Variants in MB21D2 observed in about 807,000 individuals in gnomAD.
MB21D2 encodes Mab-21 domain containing 2, also known as nucleotidyltransferase MB21D2.
A neutral mutation model predicts 33.3 loss-of-function variants in MB21D2; 9 were observed. That is an observed-to-expected ratio of 0.27 (90% CI 0.16 to 0.47). The LOEUF (loss-of-function observed/expected upper bound fraction) is 0.47. Ranked by LOEUF, MB21D2 falls within the 20% of genes least tolerant of loss-of-function variation. The probability of loss-of-function intolerance (pLI) is 0.99; values close to 1 mark genes in which losing one functional copy is unlikely to be tolerated. For missense variants in MB21D2, 540 were observed against 624.6 expected (o/e 0.86, Z 1.44); for synonymous variants, 241 against 236.3 (o/e 1.02, Z -0.18).
chr3:192,813,301 T>A (rs1711833000), intron 1 of MB21D2, among the ~76,000 whole-genome samples: 1 of 25,230 alleles, frequency 4.0e-5, no homozygotes, highest in Non-Finnish European at 7.1e-5. Flanking sequence ...CTGCAGTTAA[T>A]TTTTTTTTTT....
At chr3:192,822,268 G>A (rs1478939338) in intron 1 of MB21D2, among the ~76,000 whole-genome samples, 1 of 152,158 alleles carries the variant, frequency 6.6e-6, no homozygotes, top group African/African-American at 2.4e-5. Flanking sequence ...TTGAGTTGAA[G>A]AGAGCTTGTG....
intron 1 of MB21D2, among the ~76,000 whole-genome samples, chr3:192,812,340 C>CT (rs11382217): frequency 0.53 from 80,830 of 151,730 alleles, 21,834 homozygotes; most frequent in South Asian, 0.6. Context: ...CCGGCCTGTA[C>CT]TTTTTTTAGT....
chr3:192,816,175 G>C (rs760622777), intron 1 of MB21D2, among the ~76,000 whole-genome samples: 41 of 151,826 alleles, frequency 2.7e-4, no homozygotes, highest in Middle Eastern at 3.2e-3. Context: ...AGTCCAGTTT[G>C]GGTTTTATAG....
chr3:192,901,396 C>T (rs907675238), intron 1 of MB21D2, among the ~76,000 whole-genome samples: 1 of 119,966 alleles, frequency 8.3e-6, no homozygotes, highest in African/African-American at 3.1e-5. Context: ...GGTGAAACCC[C>T]GTCTCTACTA....
At chr3:192,917,083 C>T (rs1294740079) in intron 1 of MB21D2, among the ~76,000 whole-genome samples, 1 of 152,212 alleles carries the variant, frequency 6.6e-6, no homozygotes, top group South Asian at 2.1e-4. Context: ...CGGGAACACC[C>T]AACAAGTTTG....
chr3:192,916,153 G>A (rs2108658326), intron 1 of MB21D2, among the ~76,000 whole-genome samples: 1 of 149,060 alleles, frequency 6.7e-6, no homozygotes, highest in East Asian at 2.0e-4. Flanking sequence ...ATAGTTGAAC[G>A]GCTGAATCTC....
chr3:192,855,725 T>G (rs1268522290), intron 1 of MB21D2, among the ~76,000 whole-genome samples: 1 of 152,206 alleles, frequency 6.6e-6, no homozygotes, highest in Non-Finnish European at 1.5e-5. Flanking sequence ...TTCTCTCTCC[T>G]CCTTTTCTAC....
intron 1 of MB21D2, among the ~76,000 whole-genome samples, chr3:192,890,183 A>G (rs1713820740): frequency 6.6e-6 from 1 of 152,144 alleles, no homozygotes; most frequent in Non-Finnish European, 1.5e-5. Flanking sequence ...CTTCCCTCAC[A>G]GAACAGGTAT....
intron 1 of MB21D2, among the ~76,000 whole-genome samples, chr3:192,907,303 T>C (rs1714234824): frequency 6.6e-6 from 1 of 151,816 alleles, no homozygotes; most frequent in African/African-American, 2.4e-5. Context: ...ATTTACTCAT[T>C]CCACTCTCAG....
chr3:192,911,339 C>T (rs1414282945), intron 1 of MB21D2, among the ~76,000 whole-genome samples: 3 of 152,076 alleles, frequency 2.0e-5, no homozygotes, highest in Non-Finnish European at 2.9e-5. Flanking sequence ...GTCTCACTCA[C>T]TATGCCTTTT....
At chr3:192,906,207 G>A (rs182957666) in intron 1 of MB21D2, among the ~76,000 whole-genome samples, 1 of 152,216 alleles carries the variant, frequency 6.6e-6, no homozygotes, top group African/African-American at 2.4e-5. Flanking sequence ...AGAATCACAT[G>A]GCGACAGAGG....
At chr3:192,912,164 C>T (rs1714371795) in intron 1 of MB21D2, among the ~76,000 whole-genome samples, 1 of 152,160 alleles carries the variant, frequency 6.6e-6, no homozygotes. Flanking sequence ...GGAGAAACAG[C>T]CAGCAAAATA....
chr3:192,872,489 T>G, intron 1 of MB21D2, among the ~76,000 whole-genome samples: 1 of 148,570 alleles, frequency 6.7e-6, no homozygotes, highest in African/African-American at 2.5e-5. Flanking sequence ...GGCAGGAGAG[T>G]GGCGTGAACC....
chr3:192,909,672 T>C (rs1387903270), intron 1 of MB21D2, among the ~76,000 whole-genome samples: 1 of 152,128 alleles, frequency 6.6e-6, no homozygotes, highest in African/African-American at 2.4e-5. Flanking sequence ...GGCTCACGCC[T>C]GTAATCCCAG....
At chr3:192,881,100 A>G (rs1009590384) in intron 1 of MB21D2, among the ~76,000 whole-genome samples, 11 of 152,126 alleles carry the variant, frequency 7.2e-5, no homozygotes, top group Admixed American at 6.5e-4. Context: ...TGATTTCAGA[A>G]AGATTTTGCT....
intron 1 of MB21D2, among the ~76,000 whole-genome samples, chr3:192,809,852 C>T (rs565631055): frequency 2.6e-5 from 4 of 152,338 alleles, no homozygotes; most frequent in African/African-American, 9.6e-5. Context: ...GGACAACTTT[C>T]AGAGAACATT....
chr3:192,853,343 A>T lies in MB21D2; in HGVS notation c.212-53693T>A, dbSNP rs190159284. On this transcript the variant is annotated intron_variant, in intron 1 of 1. Transcript: ENST00000392452. The stretch of plus-strand genomic sequence containing the variant: ...TTTCTTTAGGAGGCACTTCCGTGAC[A>T]AATGGTTTTTCACACTAAGGTAGCA... Among the ~76,000 whole-genome samples the T allele has an allele frequency of 3.4e-4, 52 of 152,342 alleles. No homozygotes were observed. The East Asian group carries it at 8.9e-3, about 26-fold the overall frequency.
intron 1 of MB21D2, among the ~76,000 whole-genome samples, chr3:192,831,935 T>C (rs1449530944): frequency 6.6e-6 from 1 of 152,214 alleles, no homozygotes; most frequent in Non-Finnish European, 1.5e-5. Flanking sequence ...CTGGCTCTGC[T>C]GGGCTTTGCC....
At chr3:192,914,948 G>C (rs547089312) in intron 1 of MB21D2, among the ~76,000 whole-genome samples, 1 of 152,312 alleles carries the variant, frequency 6.6e-6, no homozygotes, top group African/African-American at 2.4e-5. Context: ...TGTGAAGCTG[G>C]AGGGGCTTCA....
Sources: gnomAD v4.1 joint callset for allele counts (sites outside exome capture counted in the v4.1 genomes callset) on GRCh38, gnomAD v4.1.1 for gene constraint, MANE v1.5 for transcripts, NCBI Gene and HGNC (gene_info 2026-07-23, HGNC 2026-07-21) for gene names.